The following INVS variants were observed in gnomAD, a reference collection of about 807,000 sequenced individuals.
INVS encodes inversion of embryo turning homolog.
INVS carries 86 observed loss-of-function variants against 108.8 expected under a neutral mutation model. The ratio of observed to expected loss-of-function variants is 0.79; its 90% CI spans 0.66 to 0.95. The LOEUF (loss-of-function observed/expected upper bound fraction) is 0.95, where lower values mean the gene tolerates loss of function less well. Among genes scored for constraint, INVS ranks in the 40% least tolerant of loss-of-function variants. INVS has a pLI of 0.00. For synonymous variants in INVS, 455 were observed against 473.5 expected, an observed-to-expected ratio of 0.96 and a Z score of 0.51; for missense variants, 1,169 against 1,297.4, an observed-to-expected ratio of 0.90 and a Z score of 1.52.
intron 10 of INVS, among the ~76,000 whole-genome samples, chr9:100,253,686 T>C (rs888341535): frequency 3.3e-5 from 5 of 152,208 alleles, no homozygotes; most frequent in African/African-American, 1.2e-4. Flanking sequence ...GTCCTTGCGA[T>C]AGTTTGCTGA....
chr9:100,183,546 A>G (rs1829959047), intron 3 of INVS, among the ~76,000 whole-genome samples: 1 of 152,200 alleles, frequency 6.6e-6, no homozygotes, highest in Non-Finnish European at 1.5e-5. Flanking sequence ...TAATCCCAGC[A>G]CTTTGGGAGA....
intron 13 of INVS, 89 bp downstream of exon 13, chr9:100,284,692 ATTG>A: frequency 7.4e-7 from 1 of 1,357,614 alleles, no homozygotes; most frequent in Non-Finnish European, 1.0e-6. Context: ...ACTTAAGATA[ATTG>A]TTATATTAGC....
At chr9:100,248,660 C>T (rs1832124881) in intron 8 of INVS, among the ~76,000 whole-genome samples, 1 of 151,810 alleles carries the variant, frequency 6.6e-6, no homozygotes, top group Admixed American at 6.6e-5. Flanking sequence ...ATGGTTTTAC[C>T]AGTGATTAAG....
rs187586118 is a variant in INVS at position 100,149,027 on chromosome 9, A to G, written c.273+22478A>G. Reference sequence around the variant, plus strand: ...TTTTCTTCAACTCTTTTTGTTATATAGGTAAGACATGTTCACTGTAGCAAA... The same window carrying G: ...TTTTCTTCAACTCTTTTTGTTATATGGGTAAGACATGTTCACTGTAGCAAA... On this transcript the variant is annotated intron_variant, in intron 3 of 16. Transcript: ENST00000262457. Among the ~76,000 whole-genome samples the G allele has an allele frequency of 3.3e-5, 5 of 149,856 alleles. No homozygotes were observed. The Admixed American group carries it at 3.4e-4, about 10-fold the overall frequency.
intron 2 of INVS, among the ~76,000 whole-genome samples, chr9:100,115,969 C>T (rs1375724445): frequency 1.3e-5 from 2 of 152,152 alleles, no homozygotes; most frequent in Non-Finnish European, 2.9e-5. Context: ...TGTTTCCTGA[C>T]TTTTTAATGA....
intron 1 of INVS, among the ~76,000 whole-genome samples, chr9:100,100,811 A>ATGTAC (rs1554712500): frequency 1.5e-4 from 2 of 13,208 alleles, no homozygotes; most frequent in East Asian, 3.1e-3. Flanking sequence ...ATGTATATAT[A>ATGTAC]ATATATATAA....
chr9:100,291,752 AC>A (rs1833621138), intron 13 of INVS, among the ~76,000 whole-genome samples: 1 of 152,120 alleles, frequency 6.6e-6, no homozygotes. Flanking sequence ...GAGACTCCTT[AC>A]CCCATCCAGA....
chr9:100,151,889 C>T (rs1321307698), intron 3 of INVS, among the ~76,000 whole-genome samples: 1 of 152,186 alleles, frequency 6.6e-6, no homozygotes, highest in African/African-American at 2.4e-5. Flanking sequence ...ATGACTATAA[C>T]TGTTGACATT....
chr9:100,195,128 A>G (rs1830333856), intron 3 of INVS, among the ~76,000 whole-genome samples: 1 of 152,188 alleles, frequency 6.6e-6, no homozygotes, highest in Non-Finnish European at 1.5e-5. Flanking sequence ...AGAAATTTTC[A>G]CAGGGTCTAG....
At chr9:100,115,263 C>G (rs2118855232) in intron 2 of INVS, among the ~76,000 whole-genome samples, 1 of 151,278 alleles carries the variant, frequency 6.6e-6, no homozygotes, top group Admixed American at 6.6e-5. Flanking sequence ...ACCTTTTGGC[C>G]ACCGTTTAAT....
intron 10 of INVS, among the ~76,000 whole-genome samples, chr9:100,259,881 T>G (rs534933414): frequency 6.6e-6 from 1 of 151,990 alleles, no homozygotes; most frequent in East Asian, 1.9e-4. Context: ...TTTTCTTTTT[T>G]TGTTTGTTGA....
chr9:100,267,006 C>A, intron 11 of INVS, among the ~76,000 whole-genome samples: 1 of 137,020 alleles, frequency 7.3e-6, no homozygotes, highest in Non-Finnish European at 1.5e-5. Flanking sequence ...GAAGATGTCT[C>A]CCTTTGAAAC....
At chr9:100,107,224 C>G (rs1450183837) in intron 2 of INVS, among the ~76,000 whole-genome samples, 1 of 152,180 alleles carries the variant, frequency 6.6e-6, no homozygotes, top group Non-Finnish European at 1.5e-5. Flanking sequence ...CCTAATGCAT[C>G]CTTCTCTCCC....
intron 10 of INVS, among the ~76,000 whole-genome samples, chr9:100,259,993 T>G (rs1312988518): frequency 6.6e-6 from 1 of 151,388 alleles, no homozygotes; most frequent in East Asian, 1.9e-4. Flanking sequence ...TGCCTCAGCC[T>G]CCTGAGTAGC....
chr9:100,174,896 A>G (rs964050703), intron 3 of INVS, among the ~76,000 whole-genome samples: 1 of 152,140 alleles, frequency 6.6e-6, no homozygotes, highest in Non-Finnish European at 1.5e-5. Flanking sequence ...TGGGCGACAG[A>G]GTGAGATGCT....
intron 3 of INVS, among the ~76,000 whole-genome samples, chr9:100,149,290 A>G (rs2118976221): frequency 6.6e-6 from 1 of 152,272 alleles, no homozygotes; most frequent in African/African-American, 2.4e-5. Flanking sequence ...AGAAGGCACC[A>G]AAAGACATTT....
intron 8 of INVS, among the ~76,000 whole-genome samples, chr9:100,247,890 C>T (rs976240118): frequency 6.6e-6 from 1 of 152,092 alleles, no homozygotes. Context: ...CTCACTGCAA[C>T]CTCTGCCTCC....
intron 12 of INVS, among the ~76,000 whole-genome samples, chr9:100,281,331 C>T (rs1309806181): frequency 1.3e-5 from 2 of 152,206 alleles, no homozygotes; most frequent in South Asian, 4.1e-4. Flanking sequence ...CAAACTCTTA[C>T]ACTATGAGCA....
chr9:100,198,490 C>T (rs1490099676), intron 3 of INVS, among the ~76,000 whole-genome samples: 7 of 151,234 alleles, frequency 4.6e-5, no homozygotes, highest in African/African-American at 1.7e-4. Context: ...GGGGTTTCTC[C>T]ATGTTGGTCA....
Sources: gnomAD v4.1 joint callset for allele counts (sites outside exome capture counted in the v4.1 genomes callset) on GRCh38, gnomAD v4.1.1 for gene constraint, MANE v1.5 for transcripts, NCBI Gene and HGNC (gene_info 2026-07-23, HGNC 2026-07-21) for gene names.